The following GRAMD1B variants were observed in gnomAD, a reference collection of about 807,000 sequenced individuals.
GRAMD1B encodes the protein GRAM domain containing 1B.
Under a neutral mutation model 99.7 loss-of-function variants are expected in GRAMD1B, and 37 were observed. That is an observed-to-expected ratio of 0.37 (90% CI 0.29 to 0.49). GRAMD1B has a LOEUF of 0.49. Among genes scored for constraint, GRAMD1B ranks in the 20% least tolerant of loss-of-function variants. The pLI is 0.98. For missense variants in GRAMD1B, 888 were observed against 1,009.2 expected, an observed-to-expected ratio of 0.88 and a Z score of 1.63; for synonymous variants, 427 against 387.6, an observed-to-expected ratio of 1.10 and a Z score of -1.19.
At chr11:123,568,175 C>T (rs862110) in intron 2 of GRAMD1B, among the ~76,000 whole-genome samples, 5,410 of 152,032 alleles carry the variant, frequency 0.036, 140 homozygotes, top group Non-Finnish European at 0.053. Context: ...GTAAGTGGGG[C>T]TTGTTGCCCA....
chr11:123,561,524 C>G (rs1161151055), intron 2 of GRAMD1B, among the ~76,000 whole-genome samples: 1 of 152,228 alleles, frequency 6.6e-6, no homozygotes, highest in East Asian at 1.9e-4. Context: ...AGTGGCTGGG[C>G]CTTACTCCCC....
At chr11:123,530,466 G>A (rs1013129922) in intron 2 of GRAMD1B, among the ~76,000 whole-genome samples, 3 of 151,988 alleles carry the variant, frequency 2.0e-5, no homozygotes, top group South Asian at 2.1e-4. Context: ...CAACTTCCCC[G>A]TCCCCCCGGA....
In GRAMD1B at chr11:123,551,079, T is replaced by A. The variant is rs192479642; in HGVS notation, c.453-26288T>A. On this transcript the variant is annotated intron_variant, in intron 2 of 19. Coordinates refer to ENST00000635736, the MANE Select transcript of GRAMD1B (RefSeq NM_001387025.1). Reference sequence around the variant, plus strand: ...GCAAGTGAGGGAATCAGGATTGGGCTGAGGGAGAAGTTCAACTCTCACGCA... The same window carrying A: ...GCAAGTGAGGGAATCAGGATTGGGCAGAGGGAGAAGTTCAACTCTCACGCA... Among the ~76,000 whole-genome samples, 31 of 152,306 alleles carry A rather than the reference T, an allele frequency of 2.0e-4. 1 individual carries two copies. The highest frequency in any genetic ancestry group is 1.0e-4 in the Non-Finnish European group (7 of 68,030).
chr11:123,440,433 C>T (rs986895453), intron 1 of GRAMD1B, among the ~76,000 whole-genome samples: 35 of 151,996 alleles, frequency 2.3e-4, no homozygotes, highest in African/African-American at 1.2e-4. Context: ...TCGTTTAAAC[C>T]GGGAAACAGT....
intron 1 of GRAMD1B, among the ~76,000 whole-genome samples, chr11:123,473,566 C>T (rs554410925): frequency 6.6e-6 from 1 of 152,314 alleles, no homozygotes; most frequent in Admixed American, 6.5e-5. Flanking sequence ...ACCCACCTCA[C>T]CCAGTCCCAA....
intron 1 of GRAMD1B, among the ~76,000 whole-genome samples, chr11:123,474,167 CT>C (rs1951148474): frequency 6.6e-6 from 1 of 152,330 alleles, no homozygotes; most frequent in South Asian, 2.1e-4. Flanking sequence ...TTATGATACA[CT>C]CACCAAGGGC....
At chr11:123,471,908 G>A (rs1951034106) in intron 1 of GRAMD1B, among the ~76,000 whole-genome samples, 1 of 152,174 alleles carries the variant, frequency 6.6e-6, no homozygotes, top group African/African-American at 2.4e-5. Flanking sequence ...TTATAATATT[G>A]TTTTAATGGA....
At chr11:123,487,869 A>G (rs1389612774) in intron 2 of GRAMD1B, among the ~76,000 whole-genome samples, 5 of 152,166 alleles carry the variant, frequency 3.3e-5, no homozygotes, top group Non-Finnish European at 7.3e-5. Context: ...GGCCTCCCCA[A>G]GTTCTGGGAT....
At chr11:123,432,369 C>G (rs1006835874) in intron 1 of GRAMD1B, among the ~76,000 whole-genome samples, 1 of 152,032 alleles carries the variant, frequency 6.6e-6, no homozygotes, top group African/African-American at 2.4e-5. Flanking sequence ...CCACCCTGGC[C>G]AACATGGCGA....
chr11:123,427,663 C>T (rs1039157409), upstream of GRAMD1B, among the ~76,000 whole-genome samples: 3 of 152,112 alleles, frequency 2.0e-5, no homozygotes, highest in South Asian at 2.1e-4. Context: ...AGGGTTTTAA[C>T]GGTCAAAAGG....
chr11:123,451,837 T>TTATATATATATA (rs140732433), intron 1 of GRAMD1B, among the ~76,000 whole-genome samples: 1 of 148,952 alleles, frequency 6.7e-6, no homozygotes, highest in Non-Finnish European at 1.5e-5. Context: ...TGACAGCAGA[T>TTATATATATATA]TATATATATA....
intron 1 of GRAMD1B, among the ~76,000 whole-genome samples, chr11:123,437,586 C>T (rs965688132): frequency 5.3e-5 from 8 of 152,142 alleles, no homozygotes; most frequent in African/African-American, 1.7e-4. Context: ...CACCTACCCC[C>T]GTCATGACTG....
chr11:123,392,966 T>G (rs1296092043), intron 1 of GRAMD1B, among the ~76,000 whole-genome samples: 1 of 152,232 alleles, frequency 6.6e-6, no homozygotes, highest in East Asian at 1.9e-4. Context: ...AAGAATGCCT[T>G]TTGTATCTTC....
chr11:123,367,540 G>A (rs1946359958), intron 1 of GRAMD1B, among the ~76,000 whole-genome samples: 1 of 152,178 alleles, frequency 6.6e-6, no homozygotes, highest in African/African-American at 2.4e-5. Flanking sequence ...AAAACATGGA[G>A]TTGTGAGGTA....
At chr11:123,372,559 T>C (rs1305532433) in intron 1 of GRAMD1B, among the ~76,000 whole-genome samples, 1 of 152,108 alleles carries the variant, frequency 6.6e-6, no homozygotes, top group Admixed American at 6.5e-5. Context: ...GGTGCTCTCA[T>C]TTAGGGGACA....
intron 1 of GRAMD1B, among the ~76,000 whole-genome samples, chr11:123,415,540 G>A (rs1565484396): frequency 6.6e-6 from 1 of 151,912 alleles, no homozygotes; most frequent in African/African-American, 2.4e-5. Flanking sequence ...CTGTATTCTC[G>A]GTGGCCTTCA....
At chr11:123,513,576 CCTTTCCTTCCTTCCTT>C (rs1941296720) in intron 2 of GRAMD1B, among the ~76,000 whole-genome samples, 1 of 67,048 alleles carries the variant, frequency 1.5e-5, no homozygotes, top group African/African-American at 5.6e-5. Flanking sequence ...TTCCTTCCTT[CCTTTCCTTCCTTCCTT>C]CCTTCCTTCC....
chr11:123,540,820 C>A (rs1474012902), intron 2 of GRAMD1B, among the ~76,000 whole-genome samples: 1 of 152,040 alleles, frequency 6.6e-6, no homozygotes, highest in African/African-American at 2.4e-5. Flanking sequence ...CTCTCTATAA[C>A]AATAAGTGTT....
intron 1 of GRAMD1B, among the ~76,000 whole-genome samples, chr11:123,403,521 T>C (rs1591443319): frequency 6.6e-6 from 1 of 150,942 alleles, no homozygotes; most frequent in Non-Finnish European, 1.5e-5. Context: ...GCTTTTTTTG[T>C]TTTTTGTTTT....
Sources: allele counts gnomAD v4.1 joint callset (sites outside exome capture counted in the v4.1 genomes callset), GRCh38; gene constraint gnomAD v4.1.1; transcripts MANE v1.5; gene names NCBI Gene and HGNC (gene_info 2026-07-23, HGNC 2026-07-21).